FBXO33: variants seen among roughly 807,000 people sequenced by gnomAD.
FBXO33 encodes the protein F-box protein 33, also known as F-box only protein 33.
Under a neutral mutation model 46.3 loss-of-function variants are expected in FBXO33, and 22 were observed. The observed-to-expected ratio is 0.48, with a 90% CI of 0.34 to 0.68. FBXO33 has a LOEUF of 0.68. Among genes scored for constraint, FBXO33 ranks in the 30% least tolerant of loss-of-function variants. The pLI, the probability that FBXO33 is intolerant of heterozygous loss-of-function variation, is 0.01. For synonymous variants in FBXO33, 337 were observed against 291.3 expected (o/e 1.16, Z -1.60); for missense variants, 692 against 708.8 (o/e 0.98, Z 0.27).
intron 3 of FBXO33, among the ~76,000 whole-genome samples, chr14:39,400,026 G>A (rs906740906): frequency 6.6e-6 from 1 of 152,112 alleles, no homozygotes; most frequent in African/African-American, 2.4e-5. Context: ...TGGTGAATTG[G>A]CAGGTGATCT....
chr14:39,431,523 C>T lies in FBXO33; in HGVS notation c.599+41G>A, dbSNP rs368607185. Reference sequence around the variant, plus strand: ...GTGTCGGGGTGCGGGGACGGAGCGACCCCCCGTTACCGGGCGGGGCGGGGC... The same window carrying T: ...GTGTCGGGGTGCGGGGACGGAGCGATCCCCCGTTACCGGGCGGGGCGGGGC... On this transcript the variant is annotated intron_variant, in intron 1 of 3. Coordinates refer to ENST00000298097, the MANE Select transcript of FBXO33 (RefSeq NM_203301.4). The T allele has an allele frequency of 1.0e-5, 16 of 1,604,040 alleles. No individual in the cohort carries two copies. The Admixed American group carries it at 1.0e-4, about 10-fold the overall frequency.
At chr14:39,425,080 G>C (rs2075505492) in intron 1 of FBXO33, among the ~76,000 whole-genome samples, 1 of 152,052 alleles carries the variant, frequency 6.6e-6, no homozygotes, top group South Asian at 2.1e-4. Context: ...AAATTCCACT[G>C]AAATGAGATA....
chr14:39,431,767 G>C lies in FBXO33; in HGVS notation c.396C>G (p.Cys132Trp). ...CACGCAGCTCTCGCACGAACCAGCC[G>C]CACTTGCGCATGAGGAATTCCAGCC... ...QPRLEFLMRKCGWFVRELRVE... is the reference protein window; with the variant it reads ...QPRLEFLMRKWGWFVRELRVE... Residue 132 changes from cysteine (C) to tryptophan (W), a missense_variant, in exon 1 of 4, where the codon TGC becomes TGG. Coordinates refer to ENST00000298097, the MANE Select transcript of FBXO33 (RefSeq NM_203301.4). 1 of 1,612,820 alleles carries C rather than the reference G, an allele frequency of 6.2e-7. No homozygotes were observed. The highest frequency in any genetic ancestry group is 8.5e-7 in the Non-Finnish European group (1 of 1,179,966).
At chr14:39,425,317 A>T (rs2075507213) in intron 1 of FBXO33, among the ~76,000 whole-genome samples, 1 of 152,132 alleles carries the variant, frequency 6.6e-6, no homozygotes, top group South Asian at 2.1e-4. Flanking sequence ...ATTCCAGAGG[A>T]TCCAAAATTA....
Position 39,428,855 on chromosome 14 carries a change from T to A in FBXO33, c.599+2709A>T, listed in dbSNP as rs972315804. On this transcript the variant is annotated intron_variant, in intron 1 of 3. Transcript: ENST00000298097. ...GCAGAGAAATTCAGCCTATGTGACC[T>A]AAAATACAGTTGAATGAGTACTTAC... 5.3e-5 allele frequency among the ~76,000 whole-genome samples: 8 copies of A among 152,318 alleles called. No homozygotes were observed. In the East Asian group the frequency reaches 1.5e-3, roughly 29 times the overall value.
intron 1 of FBXO33, among the ~76,000 whole-genome samples, chr14:39,430,565 T>G (rs1166605765): frequency 6.6e-6 from 1 of 152,090 alleles, no homozygotes; most frequent in Non-Finnish European, 1.5e-5. Flanking sequence ...TAAAACAGGG[T>G]TATTTATCAT....
intron 1 of FBXO33, 140 bp downstream of exon 1, chr14:39,431,424 G>A (rs1454477610): frequency 6.9e-7 from 1 of 1,457,502 alleles, no homozygotes; most frequent in African/African-American, 1.4e-5. Context: ...AAACCGCCTA[G>A]TTAGAACCAA....
chr14:39,401,922 T>G lies in FBXO33; in HGVS notation c.711-61A>C, dbSNP rs112083104. 54 of 1,367,846 alleles carry G rather than the reference T, an allele frequency of 3.9e-5. 1 individual carries two copies. In the African/African-American group the frequency reaches 5.7e-4, roughly 14 times the overall value. The allele number at this position is 1,367,846 out of a possible 1,614,324, so 84.7% of individuals were successfully genotyped here. On this transcript the variant is annotated intron_variant, in intron 2 of 3. Transcript: ENST00000298097. ...ACATTTAGTTCTAATCTTTTAACAC[T>G]GACTTTTGAAAATAGGCAATGAAAA... is the stretch of plus-strand genomic sequence containing the variant.
chr14:39,414,703 C>T (rs2075439296), intron 1 of FBXO33, among the ~76,000 whole-genome samples: 1 of 152,106 alleles, frequency 6.6e-6, no homozygotes, highest in Non-Finnish European at 1.5e-5. Flanking sequence ...GCTCTGTTGC[C>T]CAGGCTGCAG....
Position 39,431,708 on chromosome 14 carries a change from C to T in FBXO33, c.455G>A (p.Gly152Asp), listed in dbSNP as rs2075554739. The T allele has an allele frequency of 6.2e-7, 1 of 1,613,428 alleles. No individual in the cohort carries two copies. Among genetic ancestry groups the T allele is most frequent in the Non-Finnish European group, 8.5e-7 (1 of 1,180,000 alleles). The change falls in exon 1 of 4, where the codon GGT becomes GAT. Residue 152 changes from glycine to aspartate, a missense_variant. Gly to Asp is a moderately conservative substitution (Grantham distance 94). Coordinates refer to ENST00000298097, the MANE Select transcript of FBXO33 (RefSeq NM_203301.4). The part of the protein sequence containing the change: ...EFAAENYLSG[G>D]GPGDGGGADT... ...CGCGCCACCTCCGTCCCCTGGGCCACCGCCGCTCAGATAGTTCTCGGCGGC... is the reference window on the plus strand; with the variant it reads ...CGCGCCACCTCCGTCCCCTGGGCCATCGCCGCTCAGATAGTTCTCGGCGGC...
At chr14:39,414,960 A>G (rs2075440602) in intron 1 of FBXO33, among the ~76,000 whole-genome samples, 2 of 152,144 alleles carry the variant, frequency 1.3e-5, no homozygotes, top group South Asian at 4.1e-4. Flanking sequence ...CAATATTATT[A>G]TCTCTTAGGG....
intron 1 of FBXO33, among the ~76,000 whole-genome samples, chr14:39,421,688 A>C (rs1291983521): frequency 1.3e-5 from 2 of 152,178 alleles, no homozygotes; most frequent in African/African-American, 2.4e-5. Context: ...ACACTGCTGT[A>C]CAAGTGCTTG....
Position 39,399,350 on chromosome 14 carries a change from T to C in FBXO33, c.*166A>G, listed in dbSNP as rs1190805041. The C allele has an allele frequency of 1.3e-5, 8 of 600,294 alleles. No homozygotes were observed. Among genetic ancestry groups the C allele is most frequent in the Non-Finnish European group, 1.9e-5 (7 of 367,144 alleles). The allele number at this position is 600,294 out of a possible 1,614,324, so 37.2% of individuals were successfully genotyped here. On this transcript the variant is annotated 3_prime_UTR_variant, in exon 4 of 4. Transcript: ENST00000298097. The stretch of plus-strand genomic sequence containing the variant: ...TTGTCACTTTGAACTTCTAAACCAA[T>C]ACCCGACTACGTTCTTTGATCAAGA...
At chr14:39,431,150 C>G (rs893489458) in intron 1 of FBXO33, among the ~76,000 whole-genome samples, 9 of 152,200 alleles carry the variant, frequency 5.9e-5, no homozygotes, top group Admixed American at 5.2e-4. Context: ...TCACCATGAA[C>G]TATTTCTAAC....
chr14:39,419,424 T>C (rs960753443), intron 1 of FBXO33, among the ~76,000 whole-genome samples: 3 of 152,182 alleles, frequency 2.0e-5, no homozygotes, highest in Non-Finnish European at 1.5e-5. Context: ...ATAGACCACA[T>C]GGTAAAGCCA....
chr14:39,407,475 A>G (rs1309722425), intron 1 of FBXO33, among the ~76,000 whole-genome samples: 1 of 152,210 alleles, frequency 6.6e-6, no homozygotes, highest in Non-Finnish European at 1.5e-5. Context: ...TTACAGCCCC[A>G]GCAATCACCA....
At chr14:39,409,406 T>C (rs1428237594) in intron 1 of FBXO33, among the ~76,000 whole-genome samples, 1 of 152,138 alleles carries the variant, frequency 6.6e-6, no homozygotes, top group Non-Finnish European at 1.5e-5. Context: ...GTGGGTTTAT[T>C]TATGGGGTCT....
chr14:39,415,895 G>C (rs1390606626), intron 1 of FBXO33, among the ~76,000 whole-genome samples: 1 of 152,188 alleles, frequency 6.6e-6, no homozygotes, highest in East Asian at 1.9e-4. Context: ...TTGAACTCCT[G>C]ACCTCAGGTG....
intron 1 of FBXO33, among the ~76,000 whole-genome samples, chr14:39,406,778 T>C (rs1317717468): frequency 1.3e-5 from 2 of 152,160 alleles, no homozygotes; most frequent in African/African-American, 4.8e-5. Context: ...AGAGAACCGC[T>C]GGAAAGCAGT....
Sources: allele counts gnomAD v4.1 joint callset (sites outside exome capture counted in the v4.1 genomes callset), GRCh38; gene constraint gnomAD v4.1.1; transcripts MANE v1.5; gene names NCBI Gene and HGNC (gene_info 2026-07-23, HGNC 2026-07-21).